PLB1: variants seen among roughly 807,000 people sequenced by gnomAD.
The protein encoded by PLB1 is phospholipase B1, also known as phospholipase B1, membrane-associated.
A neutral mutation model predicts 227.4 loss-of-function variants in PLB1; 242 were observed. The ratio of observed to expected loss-of-function variants is 1.06; its 90% CI spans 0.96 to 1.18. PLB1 has a LOEUF of 1.18. Ranked by LOEUF, PLB1 falls within the 50% of genes most tolerant of loss-of-function variation. The pLI, the probability that PLB1 is intolerant of heterozygous loss-of-function variation, is 0.00. For missense variants in PLB1, 1,858 were observed against 1,816.3 expected (o/e 1.02, Z -0.42); for synonymous variants, 757 against 682.2 (o/e 1.11, Z -1.71).
Position 28,643,095 on chromosome 2 carries a change from T to C in PLB1, c.*34T>C, listed in dbSNP as rs745593486. The C allele has an allele frequency of 7.8e-6, 12 of 1,530,558 alleles. No individual in the cohort carries two copies. The highest frequency in any genetic ancestry group is 1.1e-5 in the Non-Finnish European group (12 of 1,131,832). The allele number at this position is 1,530,558 out of a possible 1,614,324, so 94.8% of individuals were successfully genotyped here. A position where few individuals can be genotyped will look rare whatever the true frequency, so the allele number is the denominator to read the frequency against. ...GTGGGTCCTCACCCTAAACTCCCTA[T>C]AGCCACTCTCTTCACCGCCCTCTGC... On this transcript the variant is annotated 3_prime_UTR_variant, in exon 58 of 58. Transcript: ENST00000327757.
At chr2:28,555,188 C>G (rs1674870181) in intron 17 of PLB1, among the ~76,000 whole-genome samples, 1 of 135,766 alleles carries the variant, frequency 7.4e-6, no homozygotes. Context: ...GTCACCCAGG[C>G]TGGAGTGAAG....
At chr2:28,523,012 T>C (rs1669728443) in intron 4 of PLB1, among the ~76,000 whole-genome samples, 1 of 152,150 alleles carries the variant, frequency 6.6e-6, no homozygotes, top group East Asian at 1.9e-4. Context: ...GTAACCTAGG[T>C]ATACGCACTT....
chr2:28,533,380 C>T (rs923384236), intron 9 of PLB1, among the ~76,000 whole-genome samples: 3 of 152,126 alleles, frequency 2.0e-5, no homozygotes, highest in Admixed American at 6.5e-5. Flanking sequence ...GTGAAATTTA[C>T]GTGCCTCATT....
intron 14 of PLB1, among the ~76,000 whole-genome samples, chr2:28,546,169 G>A (rs909620689): frequency 1.3e-5 from 2 of 152,334 alleles, no homozygotes; most frequent in Admixed American, 6.5e-5. Context: ...GTGCCAAGCC[G>A]AGGAGGATTT....
chr2:28,569,353 G>T (rs866346830), intron 20 of PLB1, among the ~76,000 whole-genome samples: 1 of 152,150 alleles, frequency 6.6e-6, no homozygotes, highest in African/African-American at 2.4e-5. Context: ...AGGCCCTGGG[G>T]TATATATAGA....
At chr2:28,609,085 T>C (rs1212953271) in intron 43 of PLB1, among the ~76,000 whole-genome samples, 2 of 151,958 alleles carry the variant, frequency 1.3e-5, no homozygotes, top group African/African-American at 4.8e-5. Flanking sequence ...CCAGCTAATT[T>C]TGGTTTATTT....
intron 35 of PLB1, among the ~76,000 whole-genome samples, chr2:28,599,466 G>A (rs1003871715): frequency 6.6e-6 from 1 of 152,150 alleles, no homozygotes; most frequent in Non-Finnish European, 1.5e-5. Flanking sequence ...AAAGACTCTT[G>A]GTAATAGAAA....
chr2:28,635,548 T>C (rs1689190249), intron 56 of PLB1, among the ~76,000 whole-genome samples: 1 of 120,930 alleles, frequency 8.3e-6, no homozygotes, highest in South Asian at 2.4e-4. Context: ...ACCCGGTGAA[T>C]TCATGTCTCA....
chr2:28,604,028 C>T lies in PLB1; in HGVS notation c.2837C>T (p.Ala946Val). The T allele has an allele frequency of 6.2e-7, 1 of 1,614,138 alleles. No individual in the cohort carries two copies. Residue 946 changes from alanine (A) to valine (V), a missense_variant, in exon 40 of 58, where the codon GCC (alanine) becomes GTC (valine). Ala to Val is a moderately conservative substitution (Grantham distance 64). Coordinates refer to ENST00000327757, the MANE Select transcript of PLB1 (RefSeq NM_153021.5). ...TCCCAAGAGCTAGCCAGGCTGGAGG[C>T]CTTCAGCCGAGCCTACCGGGTAAGA... is the stretch of plus-strand genomic sequence containing the variant. ...ENSQELARLE[A>V]FSRAYRSSMR...
chr2:28,496,128 C>T lies in PLB1; in HGVS notation c.14C>T (p.Pro5Leu). The T allele has an allele frequency of 6.2e-7, 1 of 1,614,106 alleles. No homozygotes were observed. Among genetic ancestry groups the T allele is most frequent in the South Asian group, 1.1e-5 (1 of 91,070 alleles). ...GAGCATTCTGGCATGGGGCTGCGGC[C>T]AGGCATTTTCCTCCTGGAGCTGCTG... The part of the protein sequence containing the change: MGLR[P>L]GIFLLELLLL... The change falls in exon 1 of 58, where the codon CCA becomes CTA. Residue 5 changes from proline (P) to leucine (L), a missense_variant. By Grantham distance (98) the Pro-to-Leu change is moderately conservative. Coordinates refer to ENST00000327757, the MANE Select transcript of PLB1 (RefSeq NM_153021.5).
chr2:28,635,030 G>A (rs1324898279), intron 56 of PLB1, among the ~76,000 whole-genome samples: 1 of 152,176 alleles, frequency 6.6e-6, no homozygotes, highest in African/African-American at 2.4e-5. Context: ...AGTGGGAGGA[G>A]TTTAGATATG....
intron 11 of PLB1, among the ~76,000 whole-genome samples, chr2:28,539,573 A>G (rs1253833808): frequency 1.3e-5 from 2 of 152,180 alleles, no homozygotes; most frequent in Non-Finnish European, 2.9e-5. Context: ...TGATTCCTAT[A>G]TATTTCTGAA....
At chr2:28,578,942 C>A (rs928877258) in intron 22 of PLB1, among the ~76,000 whole-genome samples, 1 of 152,028 alleles carries the variant, frequency 6.6e-6, no homozygotes, top group Non-Finnish European at 1.5e-5. Context: ...ATATAAGAGG[C>A]TTGCAGGGCC....
chr2:28,566,216 G>C (rs1017761009), intron 19 of PLB1, among the ~76,000 whole-genome samples: 2 of 151,516 alleles, frequency 1.3e-5, no homozygotes, highest in Admixed American at 1.3e-4. Context: ...GAACCTTTTA[G>C]ATGCTCCTAG....
intron 43 of PLB1, among the ~76,000 whole-genome samples, chr2:28,607,433 CT>C (rs1438983639): frequency 1.3e-5 from 2 of 152,182 alleles, no homozygotes; most frequent in Non-Finnish European, 2.9e-5. Flanking sequence ...TGTCTGCTGC[CT>C]GCCCTACCCC....
chr2:28,560,201 G>C (rs1331011882), intron 17 of PLB1, among the ~76,000 whole-genome samples: 1 of 152,076 alleles, frequency 6.6e-6, no homozygotes, highest in South Asian at 2.1e-4. Flanking sequence ...AACCACAAGA[G>C]CTATTTCAAT....
At chr2:28,620,516 G>T in intron 47 of PLB1, 84 bp from the exon 48 acceptor site, 1 of 1,514,072 alleles carries the variant, frequency 6.6e-7, no homozygotes, top group Non-Finnish European at 8.9e-7. Context: ...CCCAGAACCC[G>T]GTTCCGGTTC....
intron 4 of PLB1, among the ~76,000 whole-genome samples, chr2:28,521,012 GT>G (rs1177657488): frequency 6.6e-6 from 1 of 152,072 alleles, no homozygotes; most frequent in East Asian, 1.9e-4. Flanking sequence ...TACACTTAAT[GT>G]TTCATATAAG....
chr2:28,566,772 T>G (rs1202517953), intron 19 of PLB1, 24 bp from the exon 20 acceptor site: 1 of 1,613,800 alleles, frequency 6.2e-7, no homozygotes, highest in Non-Finnish European at 8.5e-7. Flanking sequence ...ACCCTTCATT[T>G]TCTTTCTTGG....
Sources: gnomAD v4.1 joint callset for allele counts (sites outside exome capture counted in the v4.1 genomes callset) on GRCh38, gnomAD v4.1.1 for gene constraint, MANE v1.5 for transcripts, NCBI Gene and HGNC (gene_info 2026-07-23, HGNC 2026-07-21) for gene names.